MRPS30: variants seen among roughly 807,000 people sequenced by gnomAD.
MRPS30 encodes large ribosomal subunit protein mL65.
In MRPS30, 42 loss-of-function variants were observed where a neutral mutation model predicts 43.8. The observed-to-expected ratio is 0.96, with a 90% CI of 0.75 to 1.24. MRPS30 has a LOEUF of 1.24. MRPS30 is among the 50% of genes most tolerant of loss of function. MRPS30 has a pLI of 0.00. For missense variants in MRPS30, 638 were observed against 570.0 expected (o/e 1.12, Z -1.22); for synonymous variants, 273 against 228.2 (o/e 1.20, Z -1.77).
At position 44,815,124 on chromosome 5, in the gene MRPS30, T is replaced by C. The variant is rs1247721672; in HGVS notation, c.1242T>C (p.Asn414=). 1 of 1,612,782 alleles carries C rather than the reference T, an allele frequency of 6.2e-7. No homozygotes were observed. Among genetic ancestry groups the C allele is most frequent in the Admixed American group, 1.7e-5 (1 of 59,996 alleles). The change falls in exon 5 of 5, where the codon AAT becomes AAC. Residue 414 remains asparagine (N), a synonymous_variant. Transcript: ENST00000507110. ...AGGATAATGATGTGAAAGGTTTTAATGATGATGTTCTACTTCAGATAGTTC... is the reference window on the plus strand; with the variant it reads ...AGGATAATGATGTGAAAGGTTTTAACGATGATGTTCTACTTCAGATAGTTC... ...TIEDNDVKGF[N]DDVLLQIVHF...
In MRPS30 at chr5:44,815,047, C is replaced by G. The variant is rs61754778; in HGVS notation, c.1165C>G (p.Arg389Gly). Residue 389 changes from arginine to glycine, a missense_variant, in exon 5 of 5, where the codon CGT becomes GGT. Arg to Gly is a moderately radical substitution (Grantham distance 125). Coordinates refer to ENST00000507110, the MANE Select transcript of MRPS30 (RefSeq NM_016640.4). ...LTTQADQNNP[R>G]KNICWGTQSK... is the part of the protein sequence containing the mutation. ...TACACAAGCTGATCAAAATAACCCT[C>G]GTAAAAATATATGTTGGGGTACACA... is the stretch of plus-strand genomic sequence containing the variant. 1 of 1,613,736 alleles carries G rather than the reference C, an allele frequency of 6.2e-7. No individual in the cohort carries two copies. Among genetic ancestry groups the G allele is most frequent in the Admixed American group, 1.7e-5 (1 of 60,010 alleles).
In MRPS30 at chr5:44,809,139, G is replaced by C; in HGVS notation, c.177G>C (p.Arg59=). The C allele has an allele frequency of 6.2e-7, 1 of 1,611,740 alleles. No homozygotes were observed. The highest frequency in any genetic ancestry group is 2.2e-5 in the East Asian group (1 of 44,824). ...TGACAGCCGACAGCAAAGCTGCACGGCTGCGGCGGATCGAGCGCTGGCAGG... is the reference window on the plus strand; with the variant it reads ...TGACAGCCGACAGCAAAGCTGCACGCCTGCGGCGGATCGAGCGCTGGCAGG... The part of the protein sequence containing the change: ...ASMTADSKAA[R]LRRIERWQAT... The change falls in exon 1 of 5, where the codon CGG becomes CGC. Residue 59 remains arginine (R), a synonymous_variant. Transcript: ENST00000507110.
Position 44,815,232 on chromosome 5 carries a change from A to G in MRPS30, c.*30A>G. ...GCATATTTGATTGAGAACTGTGGGA[A>G]TATTTAAATTTTACTGAAGGAACAA... is the stretch of plus-strand genomic sequence containing the variant. On this transcript the variant is annotated 3_prime_UTR_variant, in exon 5 of 5. Coordinates refer to ENST00000507110, the MANE Select transcript of MRPS30 (RefSeq NM_016640.4). 1.3e-6 allele frequency: 2 copies of G among 1,517,142 alleles called. No homozygotes were observed. The highest frequency in any genetic ancestry group is 1.8e-6 in the Non-Finnish European group (2 of 1,136,974). 94.0% of individuals were successfully genotyped at this position (1,517,142 alleles called of 1,614,324 possible). A position where few individuals can be genotyped will look rare whatever the true frequency, so the allele number is the denominator to read the frequency against.
chr5:44,814,873 A>G, intron 4 of MRPS30, 40 bp from the exon 5 acceptor site: 1 of 1,539,596 alleles, frequency 6.5e-7, no homozygotes. Flanking sequence ...TGGGTAAGAT[A>G]TATTCTATGT....
At chr5:44,811,216 T>A in intron 2 of MRPS30, 62 bp downstream of exon 2, 1 of 1,565,140 alleles carries the variant, frequency 6.4e-7, no homozygotes, top group Non-Finnish European at 8.8e-7. Context: ...CATAGGCAGG[T>A]TGAGTAATAG....
intron 1 of MRPS30, chr5:44,810,096 TAA>T (rs1742812570): frequency 6.6e-6 from 1 of 152,582 alleles, no homozygotes; most frequent in African/African-American, 2.4e-5. Flanking sequence ...AAGTATTAAC[TAA>T]GATACCTAAC....
chr5:44,810,888 G>A (rs1742829333), intron 1 of MRPS30, 121 bp from the exon 2 acceptor site: 1 of 818,284 alleles, frequency 1.2e-6, no homozygotes, highest in Non-Finnish European at 1.9e-6. Flanking sequence ...ACATAACCCA[G>A]ACTCTTACCT....
intron 1 of MRPS30, 72 bp from the exon 2 acceptor site, chr5:44,810,937 T>G: frequency 7.3e-7 from 1 of 1,361,980 alleles, no homozygotes; most frequent in South Asian, 1.3e-5. Flanking sequence ...GTTAGTACTC[T>G]TTAGTGTTCT....
chr5:44,812,024 A>G lies in MRPS30; in HGVS notation c.853+4A>G. 6.4e-7 allele frequency: 1 copy of G among 1,564,570 alleles called. No homozygotes were observed. Among genetic ancestry groups the G allele is most frequent in the East Asian group, 2.3e-5 (1 of 44,272 alleles). Reference sequence around the variant, plus strand: ...TATGAAAACCACATATTTGTTGGTAAGTTTCTCTTTTGACATATTGTACCA... The same window carrying G: ...TATGAAAACCACATATTTGTTGGTAGGTTTCTCTTTTGACATATTGTACCA... On this transcript the variant is annotated splice_donor_region_variant and intron_variant, in intron 3 of 4. Transcript: ENST00000507110.
Position 44,809,106 on chromosome 5 carries a change from G to A in MRPS30, c.144G>A (p.Val48=), listed in dbSNP as rs1295148201. 1.2e-6 allele frequency: 2 copies of A among 1,611,722 alleles called. No homozygotes were observed. Among genetic ancestry groups the A allele is most frequent in the Non-Finnish European group, 1.7e-6 (2 of 1,179,542 alleles). Residue 48 remains valine, a synonymous_variant, in exon 1 of 5, where the codon GTG becomes GTA. Transcript: ENST00000507110. ...CCGTCGCGCGGTACCCGCCGATTGT[G>A]GCCTCCATGACAGCCGACAGCAAAG... ...ATPVARYPPI[V]ASMTADSKAA... is the part of the protein sequence containing the mutation.
chr5:44,814,613 A>G (rs140523039), intron 4 of MRPS30, among the ~76,000 whole-genome samples: 41 of 152,360 alleles, frequency 2.7e-4, no homozygotes, highest in African/African-American at 9.9e-4. Flanking sequence ...TACCAGATGT[A>G]GAAAGCATCT....
Position 44,811,118 on chromosome 5 carries a change from A to G in MRPS30, c.711A>G (p.Pro237=). Residue 237 remains proline, a synonymous_variant, in exon 2 of 5, where the codon CCA becomes CCG. Coordinates refer to ENST00000507110, the MANE Select transcript of MRPS30 (RefSeq NM_016640.4). ...DDLRYQIDDK[P]NNQIRISKQL... ...TGCGATACCAGATAGATGATAAACCAAACAACCAGATTCGAATATCCAAGC... is the reference window on the plus strand; with the variant it reads ...TGCGATACCAGATAGATGATAAACCGAACAACCAGATTCGAATATCCAAGC... 1 of 1,614,084 alleles carries G rather than the reference A, an allele frequency of 6.2e-7. No homozygotes were observed. Among genetic ancestry groups the G allele is most frequent in the South Asian group, 1.1e-5 (1 of 91,066 alleles).
chr5:44,812,062 A>G (rs1370980694), intron 3 of MRPS30, 42 bp downstream of exon 3: 2 of 1,405,018 alleles, frequency 1.4e-6, no homozygotes, highest in Admixed American at 4.1e-5. Flanking sequence ...AATGTGTTCC[A>G]AGTGTCGTAT....
chr5:44,810,817 A>G (rs1284079852), intron 1 of MRPS30, among the ~76,000 whole-genome samples, 192 bp from the exon 2 acceptor site: 1 of 152,224 alleles, frequency 6.6e-6, no homozygotes, highest in African/African-American at 2.4e-5. Context: ...CATTGTAATG[A>G]TGGCACAAGT....
intron 3 of MRPS30, among the ~76,000 whole-genome samples, chr5:44,812,653 T>C (rs1316229270): frequency 6.6e-6 from 1 of 152,074 alleles, no homozygotes; most frequent in Non-Finnish European, 1.5e-5. Flanking sequence ...CTTATTTTTT[T>C]TTTTTTTACT....
chr5:44,815,183 C>T lies in MRPS30; in HGVS notation c.1301C>T (p.Ser434Leu). ...FLLNRPKEEK[S>L]QLLEN The stretch of plus-strand genomic sequence containing the variant: ...CTGAATAGACCAAAAGAAGAAAAAT[C>T]ACAGCTGTTGGAAAACTGAAAAAGC... Residue 434 changes from serine to leucine, a missense_variant, in exon 5 of 5, where the codon TCA (serine) becomes TTA (leucine). Physicochemically the swap from Ser to Leu is moderately radical, Grantham distance 145 (BLOSUM62 -2). Coordinates refer to ENST00000507110, the MANE Select transcript of MRPS30 (RefSeq NM_016640.4). The T allele has an allele frequency of 6.3e-7, 1 of 1,586,522 alleles. No individual in the cohort carries two copies. The highest frequency in any genetic ancestry group is 8.5e-7 in the Non-Finnish European group (1 of 1,170,228).
chr5:44,812,646 ATT>A (rs35118256), intron 3 of MRPS30, among the ~76,000 whole-genome samples: 102 of 147,128 alleles, frequency 6.9e-4, no homozygotes, highest in East Asian at 3.2e-3. Flanking sequence ...GTTGCTACTT[ATT>A]TTTTTTTTTT....
chr5:44,811,309 T>C (rs1381384086), intron 2 of MRPS30, among the ~76,000 whole-genome samples, 155 bp downstream of exon 2: 1 of 152,236 alleles, frequency 6.6e-6, no homozygotes, highest in African/African-American at 2.4e-5. Flanking sequence ...AAAATCTTTT[T>C]AGCTTTTTAA....
chr5:44,811,180 CTATTGA>C (rs771032387), intron 2 of MRPS30, 26 bp downstream of exon 2: 2 of 1,608,608 alleles, frequency 1.2e-6, no homozygotes, highest in East Asian at 4.5e-5. Context: ...GATTATGTAT[CTATTGA>C]TATCTCGTGT....
Sources: gnomAD v4.1 joint callset for allele counts (sites outside exome capture counted in the v4.1 genomes callset) on GRCh38, gnomAD v4.1.1 for gene constraint, MANE v1.5 for transcripts, NCBI Gene and HGNC (gene_info 2026-07-23, HGNC 2026-07-21) for gene names.